The following CDH4 variants were observed in gnomAD, a reference collection of about 807,000 sequenced individuals.
The protein encoded by CDH4 is cadherin-4.
A neutral mutation model predicts 86.0 loss-of-function variants in CDH4; 33 were observed. The ratio of observed to expected loss-of-function variants is 0.38; its 90% CI spans 0.29 to 0.51. The LOEUF is 0.51. Among genes scored for constraint, CDH4 ranks in the 20% least tolerant of loss-of-function variants. The pLI is 0.86. For missense variants in CDH4, 1,114 were observed against 1,307.4 expected (o/e 0.85, Z 2.28); for synonymous variants, 555 against 549.4 (o/e 1.01, Z -0.14).
chr20:61,350,929 A>G (rs1242142130), intron 2 of CDH4, among the ~76,000 whole-genome samples: 3 of 152,146 alleles, frequency 2.0e-5, no homozygotes, highest in Non-Finnish European at 2.9e-5. Flanking sequence ...GAGTGACTCA[A>G]TACAGAGACC....
At chr20:61,679,979 G>A (rs1399811634) in intron 2 of CDH4, among the ~76,000 whole-genome samples, 15 of 152,138 alleles carry the variant, frequency 9.9e-5, no homozygotes, top group Admixed American at 3.3e-4. Flanking sequence ...GGAGACCCTC[G>A]TACCCGAGTG....
intron 4 of CDH4, among the ~76,000 whole-genome samples, chr20:61,803,251 C>T (rs531520376): frequency 2.5e-4 from 38 of 152,256 alleles, no homozygotes; most frequent in African/African-American, 7.0e-4. Flanking sequence ...GTACTCTCCA[C>T]GCTCGGCACA....
intron 4 of CDH4, among the ~76,000 whole-genome samples, chr20:61,840,182 A>G (rs1982096979): frequency 6.6e-6 from 1 of 152,146 alleles, no homozygotes; most frequent in African/African-American, 2.4e-5. Context: ...GGGCTGACTG[A>G]GAGAGACCTT....
chr20:61,274,789 GTGTGCAGTTTGGGGGAGTACCA>G (rs2084216994), intron 2 of CDH4, among the ~76,000 whole-genome samples: 1 of 132,216 alleles, frequency 7.6e-6, no homozygotes, highest in Non-Finnish European at 1.6e-5. Context: ...GGGGAGTACT[GTGTGCAGTTTGGGGGAGTACCA>G]TGTGCAGTTT....
intron 4 of CDH4, 115 bp from the exon 5 acceptor site, chr20:61,844,553 T>C: frequency 1.0e-6 from 1 of 958,270 alleles, no homozygotes; most frequent in South Asian, 1.8e-5. Context: ...GTCCCCATTG[T>C]ACCTGAAAAT....
At chr20:61,378,481 C>T (rs1026848970) in intron 2 of CDH4, among the ~76,000 whole-genome samples, 2 of 152,148 alleles carry the variant, frequency 1.3e-5, no homozygotes, top group African/African-American at 2.4e-5. Context: ...CCTGCTGGCT[C>T]CGGCTTTCCT....
intron 4 of CDH4, among the ~76,000 whole-genome samples, chr20:61,818,232 G>C (rs1306204336): frequency 6.6e-6 from 1 of 152,126 alleles, no homozygotes. Flanking sequence ...ACATCACGCA[G>C]ACAGTGAGGA....
chr20:61,342,665 G>A (rs4810234), intron 2 of CDH4, among the ~76,000 whole-genome samples: 62,881 of 152,008 alleles, frequency 0.41, 13,357 homozygotes, highest in East Asian at 0.53. Flanking sequence ...AGTCCCGGGG[G>A]TTGGGGACCC....
chr20:61,424,267 C>G (rs369600336), intron 2 of CDH4, among the ~76,000 whole-genome samples: 2 of 151,724 alleles, frequency 1.3e-5, no homozygotes, highest in Admixed American at 6.6e-5. Context: ...TATCCACACA[C>G]ATCCACATAC....
chr20:61,407,702 G>A (rs548897213), intron 2 of CDH4, among the ~76,000 whole-genome samples: 49 of 152,346 alleles, frequency 3.2e-4, no homozygotes, highest in African/African-American at 9.6e-4. Flanking sequence ...CATACTGGAC[G>A]CTGCCCAAGT....
At chr20:61,704,976 G>GGACCC (rs2087814161) in intron 2 of CDH4, among the ~76,000 whole-genome samples, 1 of 152,178 alleles carries the variant, frequency 6.6e-6, no homozygotes, top group Non-Finnish European at 1.5e-5. Flanking sequence ...TCCAACCAAA[G>GGACCC]GACCCGGGTG....
chr20:61,339,100 A>G (rs1226253112), intron 2 of CDH4, among the ~76,000 whole-genome samples: 1 of 152,220 alleles, frequency 6.6e-6, no homozygotes, highest in Non-Finnish European at 1.5e-5. Context: ...AATCTCTAAC[A>G]TATTAGTATG....
chr20:61,471,346 C>T (rs956496093), intron 2 of CDH4, among the ~76,000 whole-genome samples: 13 of 151,844 alleles, frequency 8.6e-5, no homozygotes, highest in African/African-American at 1.4e-4. Flanking sequence ...TGATCCTTTG[C>T]GTTTCTGTGT....
At chr20:61,921,170 T>A (rs1305793930) in intron 9 of CDH4, among the ~76,000 whole-genome samples, 1 of 147,734 alleles carries the variant, frequency 6.8e-6, no homozygotes, top group Non-Finnish European at 1.5e-5. Context: ...AAGCGTGGTG[T>A]CACAGTGATT....
At chr20:61,449,555 TGAAGA>T (rs1382559678) in intron 2 of CDH4, among the ~76,000 whole-genome samples, 1 of 152,076 alleles carries the variant, frequency 6.6e-6, no homozygotes, top group Non-Finnish European at 1.5e-5. Flanking sequence ...TAATAGTGTA[TGAAGA>T]GAAGGAGGAA....
chr20:61,727,854 C>T (rs1027385773), intron 2 of CDH4, among the ~76,000 whole-genome samples: 3 of 152,210 alleles, frequency 2.0e-5, no homozygotes, highest in East Asian at 1.9e-4. Context: ...AGCCACAAGG[C>T]CCACCTCCAA....
At chr20:61,686,978 A>G (rs929971332) in intron 2 of CDH4, among the ~76,000 whole-genome samples, 2 of 150,730 alleles carry the variant, frequency 1.3e-5, no homozygotes, top group African/African-American at 2.4e-5. Context: ...CCGACTAGCA[A>G]GGTGTTTTTT....
At chr20:61,410,271 C>T (rs2145489904) in intron 2 of CDH4, among the ~76,000 whole-genome samples, 1 of 152,288 alleles carries the variant, frequency 6.6e-6, no homozygotes, top group East Asian at 1.9e-4. Context: ...TCCATCCATC[C>T]ACTCACACAT....
chr20:61,524,340 G>T (rs1017980440), intron 2 of CDH4, among the ~76,000 whole-genome samples: 1 of 152,152 alleles, frequency 6.6e-6, no homozygotes, highest in Admixed American at 6.5e-5. Flanking sequence ...AGAAAGCCTG[G>T]ACACCTGCAT....
Sources: allele counts gnomAD v4.1 joint callset (sites outside exome capture counted in the v4.1 genomes callset), GRCh38; gene constraint gnomAD v4.1.1; transcripts MANE v1.5; gene names NCBI Gene and HGNC (gene_info 2026-07-23, HGNC 2026-07-21).